The following ATP2C1 variants were observed in gnomAD, a reference collection of about 807,000 sequenced individuals.
ATP2C1 encodes the protein calcium-transporting ATPase type 2C member 1.
Under a neutral mutation model 120.5 loss-of-function variants are expected in ATP2C1, and 31 were observed. That is an observed-to-expected ratio of 0.26 (90% CI 0.19 to 0.35). ATP2C1 has a LOEUF of 0.35. Among genes scored for constraint, ATP2C1 ranks in the 10% least tolerant of loss-of-function variants. The pLI, the probability that ATP2C1 is intolerant of heterozygous loss-of-function variation, is 1.00. For missense variants in ATP2C1, 731 were observed against 1,107.5 expected, an observed-to-expected ratio of 0.66 and a Z score of 4.83; for synonymous variants, 351 against 358.7, an observed-to-expected ratio of 0.98 and a Z score of 0.24.
chr3:130,956,020 T>C, intron 10 of ATP2C1, 84 bp from the exon 11 acceptor site: 1 of 898,284 alleles, frequency 1.1e-6, no homozygotes, highest in Non-Finnish European at 1.9e-6. Flanking sequence ...AATTGCTTTG[T>C]CAAGCACTTA....
chr3:130,964,129 A>G, intron 13 of ATP2C1, 34 bp downstream of exon 13: 1 of 1,609,584 alleles, frequency 6.2e-7, no homozygotes, highest in Non-Finnish European at 8.5e-7. Context: ...TTATGCAATG[A>G]TGCGTAAGTT....
chr3:130,985,658 C>CCCA (rs1553777380), intron 20 of ATP2C1, among the ~76,000 whole-genome samples: 6 of 132,026 alleles, frequency 4.5e-5, no homozygotes, highest in African/African-American at 8.3e-5. Flanking sequence ...CCCGCCCCAC[C>CCCA]AAAAAAAAAA....
intron 20 of ATP2C1, 102 bp from the exon 21 acceptor site, chr3:130,992,849 C>A: frequency 1.1e-6 from 1 of 919,580 alleles, no homozygotes; most frequent in Non-Finnish European, 1.8e-6. Flanking sequence ...AAATTAAATA[C>A]AGCTTAAATT....
At chr3:130,910,036 A>G (rs1264051190) in intron 2 of ATP2C1, among the ~76,000 whole-genome samples, 1 of 152,026 alleles carries the variant, frequency 6.6e-6, no homozygotes, top group Admixed American at 6.6e-5. Context: ...ATTTCTCATA[A>G]GTATACGTGT....
At chr3:130,913,645 G>A (rs538789287) in intron 2 of ATP2C1, among the ~76,000 whole-genome samples, 1 of 152,268 alleles carries the variant, frequency 6.6e-6, no homozygotes, top group South Asian at 2.1e-4. Flanking sequence ...GAAGAGGGGA[G>A]GTGGAAGGAT....
intron 1 of ATP2C1, among the ~76,000 whole-genome samples, chr3:130,869,629 C>T (rs537749421): frequency 1.3e-5 from 2 of 152,218 alleles, no homozygotes; most frequent in South Asian, 2.1e-4. Flanking sequence ...AGTATTTTTG[C>T]TAATGTGCAG....
chr3:130,930,167 T>TAAA (rs2059392727), intron 2 of ATP2C1: 1 of 474,500 alleles, frequency 2.1e-6, no homozygotes, highest in African/African-American at 2.0e-5. Flanking sequence ...AGCGTGCTTT[T>TAAA]CATTCAATGT....
chr3:130,969,566 G>A (rs1012997200), intron 17 of ATP2C1, among the ~76,000 whole-genome samples, 170 bp downstream of exon 17: 2 of 152,134 alleles, frequency 1.3e-5, no homozygotes, highest in Admixed American at 6.5e-5. Context: ...CTCTTTGATA[G>A]TCTTTCCTTA....
In ATP2C1 at chr3:130,936,854, T is replaced by G. The variant is rs1005378556; in HGVS notation, c.325-574T>G. ...AAAAAAAACTCCTCCCTAAAAAAAA[T>G]AAAAAAGAAAAAATGCTCCTCCCTT... On this transcript the variant is annotated intron_variant, in intron 5 of 27. Coordinates refer to ENST00000510168, the MANE Select transcript of ATP2C1 (RefSeq NM_001378687.1). Among the ~76,000 whole-genome samples, 459 of 122,916 alleles carry G rather than the reference T, an allele frequency of 3.7e-3. 4 individuals are homozygous for G. The highest frequency in any genetic ancestry group is 0.013 in the African/African-American group (434 of 34,246). 80.6% of individuals were successfully genotyped at this position (122,916 alleles called of 152,430 possible). A position where few individuals can be genotyped will look rare whatever the true frequency, so the allele number is the denominator to read the frequency against.
intron 1 of ATP2C1, among the ~76,000 whole-genome samples, chr3:130,863,435 A>AACAC (rs574389083): frequency 2.0e-5 from 3 of 151,594 alleles, no homozygotes; most frequent in East Asian, 1.9e-4. Flanking sequence ...CAGACCAGTT[A>AACAC]ACACACACAC....
chr3:130,925,451 A>G (rs536833524), intron 2 of ATP2C1, among the ~76,000 whole-genome samples: 28 of 152,250 alleles, frequency 1.8e-4, no homozygotes, highest in African/African-American at 6.5e-4. Flanking sequence ...GCAGCTGTGG[A>G]TACTAGTACC....
Position 130,996,810 on chromosome 3 carries a change from A to G in ATP2C1, c.2243+14A>G, listed in dbSNP as rs2062641813. 1.3e-6 allele frequency: 2 copies of G among 1,512,118 alleles called. No individual in the cohort carries two copies. Among genetic ancestry groups the G allele is most frequent in the Non-Finnish European group, 1.8e-6 (2 of 1,087,418 alleles). The allele number at this position is 1,512,118 out of a possible 1,614,324, so 93.7% of individuals were successfully genotyped here. On this transcript the variant is annotated intron_variant, in intron 24 of 27. Coordinates refer to ENST00000510168, the MANE Select transcript of ATP2C1 (RefSeq NM_001378687.1). ...CCCAGCTCAGAGGTACGAGTTTTTTAATTGCATGAGCTGGAAAGACAAGGA... is the reference window on the plus strand; with the variant it reads ...CCCAGCTCAGAGGTACGAGTTTTTTGATTGCATGAGCTGGAAAGACAAGGA...
At chr3:130,862,401 G>A (rs544658863) in intron 1 of ATP2C1, among the ~76,000 whole-genome samples, 21 of 150,268 alleles carry the variant, frequency 1.4e-4, no homozygotes, top group African/African-American at 4.7e-4. Flanking sequence ...GCGTGGTCCC[G>A]AACTCCTGGC....
chr3:130,898,370 G>T (rs1355414655), intron 2 of ATP2C1, among the ~76,000 whole-genome samples: 1 of 152,086 alleles, frequency 6.6e-6, no homozygotes, highest in Non-Finnish European at 1.5e-5. Flanking sequence ...AGAAAAAATT[G>T]CATTACTATA....
intron 5 of ATP2C1, among the ~76,000 whole-genome samples, chr3:130,936,752 G>A (rs1248686958): frequency 1.4e-5 from 2 of 145,950 alleles, no homozygotes; most frequent in Non-Finnish European, 3.0e-5. Context: ...CGGAGGCGGA[G>A]CTTGCAGTGA....
At chr3:130,990,866 C>G (rs2062300197) in intron 20 of ATP2C1, among the ~76,000 whole-genome samples, 1 of 152,078 alleles carries the variant, frequency 6.6e-6, no homozygotes, top group Admixed American at 6.6e-5. Flanking sequence ...AAATTTGGAG[C>G]CTCAGCAACT....
At chr3:130,963,770 A>ATTT in intron 12 of ATP2C1, 1 of 572,920 alleles carries the variant, frequency 1.7e-6, no homozygotes, top group Non-Finnish European at 3.0e-6. Context: ...CAGAACCTAC[A>ATTT]TTTTTTAACC....
intron 8 of ATP2C1, among the ~76,000 whole-genome samples, chr3:130,943,299 T>TCC (rs1392535280): frequency 6.6e-6 from 1 of 152,170 alleles, no homozygotes; most frequent in Non-Finnish European, 1.5e-5. Flanking sequence ...CACTGCAGTC[T>TCC]CCATCTCCTG....
chr3:130,871,646 A>C (rs73872036), intron 1 of ATP2C1, among the ~76,000 whole-genome samples: 4,460 of 152,378 alleles, frequency 0.029, 205 homozygotes, highest in African/African-American at 0.096. Flanking sequence ...AGGGATACTA[A>C]TGATGACTTA....
Sources: gnomAD v4.1 joint callset for allele counts (sites outside exome capture counted in the v4.1 genomes callset) on GRCh38, gnomAD v4.1.1 for gene constraint, MANE v1.5 for transcripts, NCBI Gene and HGNC (gene_info 2026-07-23, HGNC 2026-07-21) for gene names.